The following EDEM3 variants were observed in gnomAD, a reference collection of about 807,000 sequenced individuals.
EDEM3 encodes ER degradation-enhancing alpha-mannosidase-like protein 3.
Under a neutral mutation model 110.2 loss-of-function variants are expected in EDEM3, and 60 were observed. That is an observed-to-expected ratio of 0.54 (90% CI 0.44 to 0.67). The LOEUF is 0.67. Ranked by LOEUF, EDEM3 falls within the 30% of genes least tolerant of loss-of-function variation. The pLI is 0.00. For missense variants in EDEM3, 996 were observed against 1,121.0 expected (o/e 0.89, Z 1.59); for synonymous variants, 352 against 382.9 (o/e 0.92, Z 0.94).
At chr1:184,747,021 A>C (rs76827767) in intron 2 of EDEM3, among the ~76,000 whole-genome samples, 1 of 49,452 alleles carries the variant, frequency 2.0e-5, no homozygotes, top group Non-Finnish European at 4.1e-5. Context: ...GATCAAATGC[A>C]AAAAAAAAAA....
chr1:184,691,183 A>C lies in EDEM3; in HGVS notation c.*2880T>G, dbSNP rs1334751773. 5 of 152,542 alleles carry C rather than the reference A, an allele frequency of 3.3e-5. No homozygotes were observed. Among genetic ancestry groups the C allele is most frequent in the Non-Finnish European group, 7.4e-5 (5 of 67,976 alleles). 9.4% of individuals were successfully genotyped at this position (152,542 alleles called of 1,614,324 possible). A position where few individuals can be genotyped will look rare whatever the true frequency, so the allele number is the denominator to read the frequency against. ...ATTGCAATTTAAGAAGAAAAAAGAA[A>C]ACTTGCCTAACAAAATATCCCATAC... is the stretch of plus-strand genomic sequence containing the variant. On this transcript the variant is annotated 3_prime_UTR_variant, in exon 20 of 20. Coordinates refer to ENST00000318130, the MANE Select transcript of EDEM3 (RefSeq NM_025191.4).
At chr1:184,737,090 T>C (rs1651869605) in intron 3 of EDEM3, 26 bp from the exon 4 acceptor site, 3 of 1,588,366 alleles carry the variant, frequency 1.9e-6, no homozygotes, top group African/African-American at 2.7e-5. Flanking sequence ...TAACAAGATA[T>C]AAAACATTAG....
At chr1:184,696,864 T>C (rs1649357468) in intron 19 of EDEM3, among the ~76,000 whole-genome samples, 1 of 151,994 alleles carries the variant, frequency 6.6e-6, no homozygotes, top group South Asian at 2.1e-4. Flanking sequence ...AAGATTGTGC[T>C]TGTGATAAAA....
chr1:184,754,355 C>T, intron 1 of EDEM3, 134 bp downstream of exon 1: 4 of 1,424,828 alleles, frequency 2.8e-6, no homozygotes, highest in Non-Finnish European at 3.8e-6. Context: ...GTCCACCCCT[C>T]TAGGGTTCTC....
chr1:184,706,725 T>A lies in EDEM3; in HGVS notation c.2121A>T (p.Ala707=), dbSNP rs1649950429. Residue 707 remains alanine, a synonymous_variant, in exon 18 of 20, where the codon GCA becomes GCT. Coordinates refer to ENST00000318130, the MANE Select transcript of EDEM3 (RefSeq NM_025191.4). Reference sequence around the variant, plus strand: ...ACATGCACTGTCCTCTTTGTATCAGTGCGATTTTTCCCATCACTGCCTCTG... The same window carrying A: ...ACATGCACTGTCCTCTTTGTATCAGAGCGATTTTTCCCATCACTGCCTCTG... The part of the protein sequence containing the change: ...TNPEAVMGKI[A]LIQRGQCMFA... 1.2e-6 allele frequency: 2 copies of A among 1,613,916 alleles called. No homozygotes were observed. The highest frequency in any genetic ancestry group is 2.7e-5 in the African/African-American group (2 of 74,924).
intron 17 of EDEM3, among the ~76,000 whole-genome samples, chr1:184,707,020 A>G (rs923398376): frequency 7.2e-5 from 11 of 152,198 alleles, no homozygotes; most frequent in Admixed American, 4.6e-4. Flanking sequence ...CAGTTTATAG[A>G]ACATTTTTAT....
intron 17 of EDEM3, 150 bp downstream of exon 17, chr1:184,708,003 A>G: frequency 2.9e-6 from 2 of 681,192 alleles, no homozygotes; most frequent in Admixed American, 3.6e-5. Flanking sequence ...AGTTTTCAAG[A>G]CATGCTTTTA....
intron 2 of EDEM3, among the ~76,000 whole-genome samples, chr1:184,746,323 C>T (rs561747372): frequency 6.3e-4 from 96 of 152,330 alleles, no homozygotes; most frequent in Admixed American, 5.6e-3. Context: ...ATGCCAAGAA[C>T]AGGAAAGAAT....
chr1:184,717,432 A>G (rs1441668020), intron 12 of EDEM3, 108 bp downstream of exon 12: 9 of 777,464 alleles, frequency 1.2e-5, no homozygotes, highest in Non-Finnish European at 1.9e-5. Context: ...TCCAATCATT[A>G]TAATATTAAA....
In EDEM3 at chr1:184,710,554, AAAGT is replaced by A. The variant is rs1475949423; in HGVS notation, c.1692-11_1692-8del. The A allele has an allele frequency of 6.3e-7, 1 of 1,598,006 alleles. No individual in the cohort carries two copies. The highest frequency in any genetic ancestry group is 1.1e-5 in the South Asian group (1 of 87,498). On this transcript the variant is annotated splice_polypyrimidine_tract_variant and splice_region_variant and intron_variant, in intron 15 of 19. Coordinates refer to ENST00000318130, the MANE Select transcript of EDEM3 (RefSeq NM_025191.4). ...ACTCCTGAAACTCTCCTCTCTGCTA[AAAGT>A]AATTACAGGCAAGGCTTAAAAAACT...
chr1:184,693,367 TTTTTACCTGGTCCCACTGA>T lies in EDEM3; in HGVS notation c.*677_*695del, dbSNP rs1347793524. The stretch of plus-strand genomic sequence containing the variant: ...AATCTCCACAATGTATTATATGACC[TTTTTACCTGGTCCCACTGA>T]TTAGTCTTTATGCAGAGAACTCACT... On this transcript the variant is annotated 3_prime_UTR_variant, in exon 20 of 20. Coordinates refer to ENST00000318130, the MANE Select transcript of EDEM3 (RefSeq NM_025191.4). 6.6e-6 allele frequency: 1 copy of T among 152,620 alleles called. No individual in the cohort carries two copies. Among genetic ancestry groups the T allele is most frequent in the Non-Finnish European group, 1.5e-5 (1 of 68,014 alleles). 9.5% of individuals were successfully genotyped at this position (152,620 alleles called of 1,614,324 possible).
intron 18 of EDEM3, among the ~76,000 whole-genome samples, chr1:184,704,145 T>C (rs1649780634): frequency 6.6e-6 from 1 of 152,160 alleles, no homozygotes; most frequent in African/African-American, 2.4e-5. Flanking sequence ...AAATAATCCA[T>C]TTCTGTGTAG....
intron 6 of EDEM3, among the ~76,000 whole-genome samples, chr1:184,727,606 A>G (rs574640701): frequency 1.3e-5 from 2 of 151,936 alleles, no homozygotes; most frequent in Non-Finnish European, 2.9e-5. Context: ...CTAAACAAAC[A>G]CCCCCTCAAC....
intron 19 of EDEM3, among the ~76,000 whole-genome samples, chr1:184,702,050 G>C (rs559767367): frequency 6.6e-6 from 1 of 152,094 alleles, no homozygotes; most frequent in South Asian, 2.1e-4. Context: ...CTCTCTTCAG[G>C]TCTCTCCAGC....
intron 19 of EDEM3, among the ~76,000 whole-genome samples, chr1:184,702,315 T>C (rs528063446): frequency 6.6e-6 from 1 of 152,320 alleles, no homozygotes; most frequent in South Asian, 2.1e-4. Context: ...TGTGATAAAC[T>C]TAGATCTCAT....
Position 184,717,069 on chromosome 1 carries a change from C to A in EDEM3, c.1246-57G>T. 2.2e-6 allele frequency: 3 copies of A among 1,368,896 alleles called. No individual in the cohort carries two copies. In the Admixed American group the frequency reaches 5.8e-5, roughly 26 times the overall value. 84.8% of individuals were successfully genotyped at this position (1,368,896 alleles called of 1,614,324 possible). On this transcript the variant is annotated intron_variant, in intron 12 of 19. Transcript: ENST00000318130. ...TATAGCTTATATATTACCACATATC[C>A]ATTCATTTACCAAATATTTATTGAG... is the stretch of plus-strand genomic sequence containing the variant.
chr1:184,739,448 T>G (rs1302200190), intron 2 of EDEM3, among the ~76,000 whole-genome samples: 2 of 151,480 alleles, frequency 1.3e-5, no homozygotes, highest in African/African-American at 4.8e-5. Context: ...AAGTTTACCC[T>G]TCTGGAGAAC....
intron 18 of EDEM3, among the ~76,000 whole-genome samples, chr1:184,704,345 A>T (rs1381513580): frequency 1.3e-5 from 2 of 152,088 alleles, no homozygotes; most frequent in African/African-American, 4.8e-5. Context: ...TCAACACAAG[A>T]AAGTTTCTCA....
rs1032493573 is a variant in EDEM3 at position 184,693,266 on chromosome 1, G to A, written c.*797C>T. ...CAGAGTAGTCACAGCTTTCCCTATG[G>A]AAGGCCCAATGGGAGGTTCATATTG... On this transcript the variant is annotated 3_prime_UTR_variant, in exon 20 of 20. Coordinates refer to ENST00000318130, the MANE Select transcript of EDEM3 (RefSeq NM_025191.4). 1 of 154,772 alleles carries A rather than the reference G, an allele frequency of 6.5e-6. No individual in the cohort carries two copies. The highest frequency in any genetic ancestry group is 1.5e-5 in the Non-Finnish European group (1 of 68,208). The allele number at this position is 154,772 out of a possible 1,614,324, so 9.6% of individuals were successfully genotyped here.
Sources: allele counts gnomAD v4.1 joint callset (sites outside exome capture counted in the v4.1 genomes callset), GRCh38; gene constraint gnomAD v4.1.1; transcripts MANE v1.5; gene names NCBI Gene and HGNC (gene_info 2026-07-23, HGNC 2026-07-21).